Variants in BRINP2 observed in about 807,000 individuals in gnomAD.
The protein encoded by BRINP2 is BMP/retinoic acid inducible neural specific 2.
BRINP2 carries 21 observed loss-of-function variants against 69.2 expected under a neutral mutation model. That is an observed-to-expected ratio of 0.30 (90% CI 0.22 to 0.44). The LOEUF is 0.44. Ranked by LOEUF, BRINP2 falls within the 20% of genes least tolerant of loss-of-function variation. The pLI, the probability that BRINP2 is intolerant of heterozygous loss-of-function variation, is 1.00. For synonymous variants in BRINP2, 380 were observed against 394.1 expected (o/e 0.96, Z 0.42); for missense variants, 877 against 986.0 (o/e 0.89, Z 1.48).
intron 1 of BRINP2, among the ~76,000 whole-genome samples, chr1:177,195,788 G>T (rs969855482): frequency 6.6e-6 from 1 of 151,970 alleles, no homozygotes; most frequent in East Asian, 1.9e-4. Flanking sequence ...GGAGAAAAAC[G>T]TGTGGGGCCC....
chr1:177,270,479 G>C (rs1420048684), intron 4 of BRINP2, among the ~76,000 whole-genome samples: 1 of 150,944 alleles, frequency 6.6e-6, no homozygotes, highest in African/African-American at 2.4e-5. Context: ...AGCCCAGCAT[G>C]ATGAACAAGA....
At chr1:177,176,231 C>G (rs1648082665) in intron 1 of BRINP2, among the ~76,000 whole-genome samples, 1 of 152,088 alleles carries the variant, frequency 6.6e-6, no homozygotes, top group East Asian at 1.9e-4. Flanking sequence ...GGACTAAGCT[C>G]TAGGCAGTTG....
chr1:177,174,714 C>T (rs1648036869), intron 1 of BRINP2, among the ~76,000 whole-genome samples: 2 of 152,148 alleles, frequency 1.3e-5, no homozygotes, highest in Non-Finnish European at 2.9e-5. Context: ...TTGCTTGATT[C>T]CTTGGGGTTT....
chr1:177,250,120 G>A (rs1041923301), intron 2 of BRINP2, among the ~76,000 whole-genome samples: 26 of 152,016 alleles, frequency 1.7e-4, no homozygotes, highest in African/African-American at 6.0e-4. Flanking sequence ...TATGTTGCCT[G>A]GGCTGGACTC....
chr1:177,265,873 C>A (rs1558183117), intron 4 of BRINP2, among the ~76,000 whole-genome samples: 1 of 152,158 alleles, frequency 6.6e-6, no homozygotes, highest in South Asian at 2.1e-4. Context: ...GTAATCCTAG[C>A]ACTTTGGGAG....
At chr1:177,236,675 G>A (rs903558115) in intron 2 of BRINP2, among the ~76,000 whole-genome samples, 3 of 152,188 alleles carry the variant, frequency 2.0e-5, no homozygotes, top group Admixed American at 6.5e-5. Context: ...GGCAAAAACC[G>A]ATGGATGACT....
chr1:177,177,960 T>C (rs1440140287), intron 1 of BRINP2, among the ~76,000 whole-genome samples: 6 of 152,232 alleles, frequency 3.9e-5, no homozygotes, highest in African/African-American at 9.6e-5. Flanking sequence ...CCCAAATTCC[T>C]GCTTTGGTTA....
At chr1:177,186,337 A>G (rs999327129) in intron 1 of BRINP2, among the ~76,000 whole-genome samples, 1 of 152,166 alleles carries the variant, frequency 6.6e-6, no homozygotes, top group Non-Finnish European at 1.5e-5. Context: ...CAAAAAAGAA[A>G]AAAAGGAGGA....
At chr1:177,196,265 C>G (rs1353445023) in intron 1 of BRINP2, among the ~76,000 whole-genome samples, 1 of 152,150 alleles carries the variant, frequency 6.6e-6, no homozygotes, top group African/African-American at 2.4e-5. Context: ...AGTGCTCAGG[C>G]CCTAGTTCCA....
At chr1:177,177,321 C>A (rs920614415) in intron 1 of BRINP2, among the ~76,000 whole-genome samples, 45 of 151,626 alleles carry the variant, frequency 3.0e-4, no homozygotes, top group African/African-American at 9.2e-4. Context: ...ACAACAACAA[C>A]AAAATTTGTG....
chr1:177,237,483 C>T (rs1435495690), intron 2 of BRINP2, among the ~76,000 whole-genome samples: 2 of 152,210 alleles, frequency 1.3e-5, no homozygotes, highest in African/African-American at 4.8e-5. Context: ...CAAGCATCCC[C>T]AGGACACAAT....
intron 1 of BRINP2, among the ~76,000 whole-genome samples, chr1:177,222,750 G>A (rs1235421166): frequency 3.3e-5 from 5 of 151,974 alleles, no homozygotes; most frequent in Non-Finnish European, 5.9e-5. Flanking sequence ...TGAGGAACCT[G>A]AGGCAAAAGT....
rs1408014402 is a variant in BRINP2, at chr1:177,281,966, T to A, written c.*438T>A. 6.5e-6 allele frequency: 1 copy of A among 154,782 alleles called. No homozygotes were observed. Among genetic ancestry groups the A allele is most frequent in the Non-Finnish European group, 1.4e-5 (1 of 69,750 alleles). 9.6% of individuals were successfully genotyped at this position (154,782 alleles called of 1,614,324 possible). A position where few individuals can be genotyped will look rare whatever the true frequency, so the allele number is the denominator to read the frequency against. On this transcript the variant is annotated 3_prime_UTR_variant, in exon 8 of 8. Coordinates refer to ENST00000361539, the MANE Select transcript of BRINP2 (RefSeq NM_021165.4). Reference sequence around the variant, plus strand: ...TCTTCCTTCCCCTCTGTGGAGTCACTTTTGTATTCTTTTTAACCAGATTTC... The same window carrying A: ...TCTTCCTTCCCCTCTGTGGAGTCACATTTGTATTCTTTTTAACCAGATTTC...
chr1:177,239,564 A>G (rs1245782409), intron 2 of BRINP2, among the ~76,000 whole-genome samples: 1 of 152,216 alleles, frequency 6.6e-6, no homozygotes, highest in Admixed American at 6.5e-5. Context: ...CCACTTGGAA[A>G]TGTCTTATAT....
chr1:177,208,334 T>C (rs1649123224), intron 1 of BRINP2, among the ~76,000 whole-genome samples: 1 of 152,180 alleles, frequency 6.6e-6, no homozygotes, highest in Non-Finnish European at 1.5e-5. Context: ...TGTATGTAAG[T>C]AGGTTAAAGA....
In BRINP2 at chr1:177,216,208, C is replaced by G. The variant is rs1361814128; in HGVS notation, c.-76-13593C>G. ...ATTTTCTTTCTTCCTCCATTTCTGT[C>G]TTTGTAGTTTGATGGTTTTCCGTAG... On this transcript the variant is annotated intron_variant, in intron 1 of 7. Transcript: ENST00000361539. 2.0e-5 allele frequency among the ~76,000 whole-genome samples: 3 copies of G among 151,972 alleles called. No homozygotes were observed. In the East Asian group the frequency reaches 5.8e-4, roughly 29 times the overall value.
intron 1 of BRINP2, among the ~76,000 whole-genome samples, chr1:177,220,797 G>A (rs886355508): frequency 6.6e-6 from 1 of 152,148 alleles, no homozygotes. Flanking sequence ...TCAAGGGCAT[G>A]CAAGAAACCA....
chr1:177,192,904 A>G (rs1200844607), intron 1 of BRINP2, among the ~76,000 whole-genome samples: 7 of 152,248 alleles, frequency 4.6e-5, no homozygotes, highest in Admixed American at 4.6e-4. Context: ...GACTAGATTT[A>G]GGAGCTATCT....
At chr1:177,222,358 C>A (rs566148940) in intron 1 of BRINP2, among the ~76,000 whole-genome samples, 1 of 152,200 alleles carries the variant, frequency 6.6e-6, no homozygotes, top group East Asian at 1.9e-4. Flanking sequence ...ATTGCCCAGG[C>A]TGGAGTGCAA....
Sources: gnomAD v4.1 joint callset for allele counts (sites outside exome capture counted in the v4.1 genomes callset) on GRCh38, gnomAD v4.1.1 for gene constraint, MANE v1.5 for transcripts, NCBI Gene and HGNC (gene_info 2026-07-23, HGNC 2026-07-21) for gene names.